The following CFAP95 variants were observed in gnomAD, a reference collection of about 807,000 sequenced individuals.
CFAP95 encodes cilia- and flagella-associated protein 95.
At chr9:69,872,685 C>T in the CFAP95 span, among the ~76,000 whole-genome samples, 2 of 152,182 alleles carry the variant, frequency 1.3e-5, no homozygotes, top group East Asian at 3.9e-4. Flanking sequence ...AAATTGATCT[C>T]TAAAAAATAG....
At chr9:69,842,593 T>C in the CFAP95 span, among the ~76,000 whole-genome samples, 1 of 152,360 alleles carries the variant, frequency 6.6e-6, no homozygotes, top group African/African-American at 2.4e-5. Context: ...TAATTCATAT[T>C]AAGATCTTAA....
the CFAP95 span, among the ~76,000 whole-genome samples, chr9:69,875,650 C>T: frequency 1.3e-5 from 2 of 152,110 alleles, no homozygotes; most frequent in African/African-American, 4.8e-5. Flanking sequence ...TCATTTGAGT[C>T]ATAACTTTGA....
the CFAP95 span, among the ~76,000 whole-genome samples, chr9:69,904,311 G>C: frequency 6.6e-6 from 1 of 152,166 alleles, no homozygotes; most frequent in Non-Finnish European, 1.5e-5. Flanking sequence ...ACAATATGTG[G>C]TTTCGCTTCT....
chr9:69,828,540 G>A, the CFAP95 span, among the ~76,000 whole-genome samples: 4 of 152,076 alleles, frequency 2.6e-5, no homozygotes, highest in Non-Finnish European at 4.4e-5. Flanking sequence ...AAAATTAGCC[G>A]GGTGTGGTGG....
At chr9:69,837,606 A>G in the CFAP95 span, among the ~76,000 whole-genome samples, 1 of 151,870 alleles carries the variant, frequency 6.6e-6, no homozygotes, top group Admixed American at 6.6e-5. Flanking sequence ...AATTTGTTGG[A>G]GTTCATTGTA....
At chr9:69,820,958 G>C in the CFAP95 span, 1 of 1,614,056 alleles carries the variant, frequency 6.2e-7, no homozygotes, top group South Asian at 1.1e-5. Flanking sequence ...ACCGGACTTG[G>C]TGGAGCGCAA....
the CFAP95 span, among the ~76,000 whole-genome samples, chr9:69,894,739 C>A: frequency 6.6e-6 from 1 of 152,124 alleles, no homozygotes; most frequent in African/African-American, 2.4e-5. Context: ...TATACTCCAA[C>A]CTTTGTAGGC....
At chr9:69,852,592 T>A in the CFAP95 span, among the ~76,000 whole-genome samples, 5 of 152,100 alleles carry the variant, frequency 3.3e-5, no homozygotes, top group Admixed American at 1.3e-4. Context: ...GGGAACTTGA[T>A]GCACTGGGGT....
At chr9:69,906,189 T>C in the CFAP95 span, 1 of 1,408,448 alleles carries the variant, frequency 7.1e-7, no homozygotes, top group Non-Finnish European at 9.6e-7. Flanking sequence ...ATGTAGCAGT[T>C]GATGATTTTC....
chr9:69,828,857 T>C, the CFAP95 span, among the ~76,000 whole-genome samples: 4 of 152,206 alleles, frequency 2.6e-5, no homozygotes, highest in African/African-American at 9.6e-5. Flanking sequence ...TGAACATGTA[T>C]TTTCATAATA....
the CFAP95 span, among the ~76,000 whole-genome samples, chr9:69,881,542 T>C: frequency 1.4e-4 from 22 of 152,242 alleles, no homozygotes; most frequent in African/African-American, 4.1e-4. Flanking sequence ...TTTATGCTAA[T>C]ACCATGCTGT....
the CFAP95 span, among the ~76,000 whole-genome samples, chr9:69,892,637 T>C: frequency 6.6e-6 from 1 of 152,186 alleles, no homozygotes; most frequent in African/African-American, 2.4e-5. Flanking sequence ...CATTCCTTTT[T>C]ACCTGCCTGA....
chr9:69,877,624 G>C, the CFAP95 span, among the ~76,000 whole-genome samples: 2 of 152,052 alleles, frequency 1.3e-5, no homozygotes, highest in Non-Finnish European at 2.9e-5. Flanking sequence ...TGCTATTTTT[G>C]TATATTGATC....
the CFAP95 span, among the ~76,000 whole-genome samples, chr9:69,854,944 T>C: frequency 6.6e-6 from 1 of 152,236 alleles, no homozygotes; most frequent in African/African-American, 2.4e-5. Context: ...GTAACTGTTC[T>C]ACCCTCAAGG....
At chr9:69,901,234 A>T in the CFAP95 span, among the ~76,000 whole-genome samples, 3 of 150,240 alleles carry the variant, frequency 2.0e-5, no homozygotes, top group South Asian at 4.2e-4. Flanking sequence ...GCCCCCTGGG[A>T]TCACGCCATT....
chr9:69,846,061 G>T, the CFAP95 span, among the ~76,000 whole-genome samples: 3 of 152,136 alleles, frequency 2.0e-5, no homozygotes, highest in African/African-American at 7.2e-5. Flanking sequence ...GGCAATTCAG[G>T]CATTGCTTGA....
At chr9:69,821,374 A>G in the CFAP95 span, among the ~76,000 whole-genome samples, 3 of 152,176 alleles carry the variant, frequency 2.0e-5, no homozygotes, top group African/African-American at 7.2e-5. Flanking sequence ...GCTCCCAGCC[A>G]CACACTGGGC....
At chr9:69,821,924 T>A in the CFAP95 span, among the ~76,000 whole-genome samples, 2 of 152,154 alleles carry the variant, frequency 1.3e-5, no homozygotes, top group Non-Finnish European at 1.5e-5. Flanking sequence ...TGTTCTGTCT[T>A]TAGGAACTTC....
At chr9:69,892,194 T>C in the CFAP95 span, among the ~76,000 whole-genome samples, 24 of 152,342 alleles carry the variant, frequency 1.6e-4, no homozygotes, top group African/African-American at 5.5e-4. Flanking sequence ...TTTTTAAAGA[T>C]TCTGATTTTA....
Sources: allele counts gnomAD v4.1 joint callset (sites outside exome capture counted in the v4.1 genomes callset), GRCh38; gene constraint gnomAD v4.1.1; transcripts MANE v1.5; gene names NCBI Gene and HGNC (gene_info 2026-07-23, HGNC 2026-07-21).